Variants in MMP16 observed in about 807,000 individuals in gnomAD.
MMP16 encodes the protein matrix metalloproteinase-16.
MMP16 carries 12 observed loss-of-function variants against 67.8 expected under a neutral mutation model. That is an observed-to-expected ratio of 0.18 (90% CI 0.11 to 0.29). The LOEUF (loss-of-function observed/expected upper bound fraction) is 0.29. Among genes scored for constraint, MMP16 ranks in the 10% least tolerant of loss-of-function variants. The pLI, the probability that MMP16 is intolerant of heterozygous loss-of-function variation, is 1.00. For missense variants in MMP16, 475 were observed against 765.7 expected (o/e 0.62, Z 4.48); for synonymous variants, 249 against 255.9 (o/e 0.97, Z 0.26).
intron 4 of MMP16, among the ~76,000 whole-genome samples, chr8:88,142,185 C>G (rs940622919): frequency 1.2e-4 from 19 of 152,120 alleles, no homozygotes; most frequent in African/African-American, 4.6e-4. Context: ...GCTAGGATTA[C>G]AGGCGTGAGC....
chr8:88,220,910 A>T (rs1311307512), intron 1 of MMP16, among the ~76,000 whole-genome samples: 1 of 152,104 alleles, frequency 6.6e-6, no homozygotes, highest in Non-Finnish European at 1.5e-5. Flanking sequence ...AACCCTACTA[A>T]ATTAGAAAAT....
chr8:88,307,636 T>C (rs906218041), intron 1 of MMP16, among the ~76,000 whole-genome samples: 1 of 151,794 alleles, frequency 6.6e-6, no homozygotes, highest in African/African-American at 2.4e-5. Flanking sequence ...AACAAATGAG[T>C]CTCCATTTCC....
At chr8:88,159,024 T>C (rs183763404) in intron 4 of MMP16, among the ~76,000 whole-genome samples, 31 of 152,332 alleles carry the variant, frequency 2.0e-4, no homozygotes, top group African/African-American at 6.3e-4. Flanking sequence ...CATTTGTCTA[T>C]ATCTCTGTTT....
intron 8 of MMP16, among the ~76,000 whole-genome samples, chr8:88,051,211 T>C (rs892634382): frequency 2.0e-5 from 3 of 152,162 alleles, no homozygotes; most frequent in East Asian, 3.9e-4. Context: ...ATTTCCAACA[T>C]ATTTGAGCTT....
chr8:88,113,601 T>C (rs954502959), intron 6 of MMP16, among the ~76,000 whole-genome samples: 2 of 151,834 alleles, frequency 1.3e-5, no homozygotes, highest in Non-Finnish European at 2.9e-5. Flanking sequence ...TGACATTAAT[T>C]TAGAAGTAAA....
chr8:88,185,434 G>A (rs1809058317), intron 3 of MMP16, among the ~76,000 whole-genome samples: 1 of 152,040 alleles, frequency 6.6e-6, no homozygotes, highest in Non-Finnish European at 1.5e-5. Context: ...ACTCCAACCT[G>A]GGTGATGGAA....
intron 1 of MMP16, among the ~76,000 whole-genome samples, chr8:88,216,965 A>G (rs532342220): frequency 6.6e-6 from 1 of 151,944 alleles, no homozygotes; most frequent in Non-Finnish European, 1.5e-5. Context: ...ATATATGTGG[A>G]CTCATGGCTT....
At position 88,327,178 on chromosome 8, in the gene MMP16, C is replaced by T; in HGVS notation, c.29G>A (p.Arg10Lys). 1 of 1,614,140 alleles carries T rather than the reference C, an allele frequency of 6.2e-7. No homozygotes were observed. The change falls in exon 1 of 10, where the codon AGA (arginine) becomes AAA (lysine). Residue 10 changes from arginine (R) to lysine (K), a missense_variant. Coordinates refer to ENST00000286614, the MANE Select transcript of MMP16 (RefSeq NM_005941.5). ...CGAATGATGCACGAAATCCAACCGTCTTCCAGTGCTGAATGTGAGTAAGAT... is the reference window on the plus strand; with the variant it reads ...CGAATGATGCACGAAATCCAACCGTTTTCCAGTGCTGAATGTGAGTAAGAT... MILLTFSTG[R>K]RLDFVHHSGV...
chr8:88,154,794 C>G (rs1226317736), intron 4 of MMP16, among the ~76,000 whole-genome samples: 3 of 148,580 alleles, frequency 2.0e-5, no homozygotes, highest in Non-Finnish European at 4.5e-5. Context: ...GTGCAGCGCA[C>G]CAGCATGGCA....
At chr8:88,226,950 C>T (rs1049067034) in intron 1 of MMP16, among the ~76,000 whole-genome samples, 2 of 151,646 alleles carry the variant, frequency 1.3e-5, no homozygotes, top group African/African-American at 2.4e-5. Flanking sequence ...TTTAAGAACA[C>T]GAAAACAATA....
chr8:88,229,888 A>G (rs1809831931), intron 1 of MMP16, among the ~76,000 whole-genome samples: 1 of 152,104 alleles, frequency 6.6e-6, no homozygotes, highest in African/African-American at 2.4e-5. Flanking sequence ...AAAATGGAAA[A>G]TTTAGAATGT....
intron 8 of MMP16, among the ~76,000 whole-genome samples, chr8:88,052,041 T>C (rs1037345075): frequency 6.6e-6 from 1 of 152,212 alleles, no homozygotes; most frequent in Non-Finnish European, 1.5e-5. Flanking sequence ...ATCTACTCTC[T>C]TTAGCTATCT....
chr8:88,122,990 G>A (rs139406739), intron 4 of MMP16, among the ~76,000 whole-genome samples: 14 of 150,060 alleles, frequency 9.3e-5, no homozygotes, highest in South Asian at 4.3e-4. Flanking sequence ...GTGCAGCCCC[G>A]GCCAACATGG....
At chr8:88,269,174 AC>A (rs1295536530) in intron 1 of MMP16, among the ~76,000 whole-genome samples, 13 of 152,144 alleles carry the variant, frequency 8.5e-5, no homozygotes, top group African/African-American at 2.9e-4. Context: ...TTAGCATTTT[AC>A]CATCTTAAGA....
chr8:88,157,012 G>A (rs1208454934), intron 4 of MMP16, among the ~76,000 whole-genome samples: 1 of 152,088 alleles, frequency 6.6e-6, no homozygotes, highest in Non-Finnish European at 1.5e-5. Flanking sequence ...TGGACTAGCT[G>A]TTCATTAAAC....
At chr8:88,208,042 G>A (rs186627016) in intron 1 of MMP16, among the ~76,000 whole-genome samples, 107 of 152,292 alleles carry the variant, frequency 7.0e-4, no homozygotes, top group African/African-American at 2.5e-3. Flanking sequence ...GGCTGATAAC[G>A]AAGCAGGAGA....
At chr8:88,127,086 T>C (rs944612424) in intron 4 of MMP16, among the ~76,000 whole-genome samples, 9 of 151,842 alleles carry the variant, frequency 5.9e-5, no homozygotes, top group African/African-American at 2.2e-4. Context: ...AACAGGAATC[T>C]AAATATCAGT....
chr8:88,087,037 T>C (rs1808845611), intron 6 of MMP16, among the ~76,000 whole-genome samples: 1 of 151,876 alleles, frequency 6.6e-6, no homozygotes, highest in African/African-American at 2.4e-5. Context: ...TTGGTCAATA[T>C]TCTGTTTAGG....
At chr8:88,228,215 A>T (rs1809801169) in intron 1 of MMP16, among the ~76,000 whole-genome samples, 1 of 152,116 alleles carries the variant, frequency 6.6e-6, no homozygotes, top group South Asian at 2.1e-4. Flanking sequence ...TTTTGGCATG[A>T]TGTTTCAAGA....
Sources: gnomAD v4.1 joint callset for allele counts (sites outside exome capture counted in the v4.1 genomes callset) on GRCh38, gnomAD v4.1.1 for gene constraint, MANE v1.5 for transcripts, NCBI Gene and HGNC (gene_info 2026-07-23, HGNC 2026-07-21) for gene names.